Variants in PCDH7 observed in about 807,000 individuals in gnomAD.
PCDH7 encodes the protein protocadherin 7, also known as protocadherin-7.
A neutral mutation model predicts 58.9 loss-of-function variants in PCDH7; 17 were observed. The observed-to-expected ratio is 0.29, with a 90% CI of 0.20 to 0.43. The LOEUF is 0.43. Among genes scored for constraint, PCDH7 ranks in the 20% least tolerant of loss-of-function variants. The probability of loss-of-function intolerance (pLI) is 1.00; values close to 1 mark genes in which losing one functional copy is unlikely to be tolerated. For synonymous variants in PCDH7, 664 were observed against 616.4 expected (o/e 1.08, Z -1.14); for missense variants, 1,274 against 1,441.0 (o/e 0.88, Z 1.88).
At chr4:31,014,247 G>A (rs1272094972) in intron 3 of PCDH7, among the ~76,000 whole-genome samples, 2 of 152,084 alleles carry the variant, frequency 1.3e-5, no homozygotes, top group African/African-American at 4.8e-5. Context: ...TGCTTGGAAT[G>A]CTGCCATTAA....
intron 1 of PCDH7, among the ~76,000 whole-genome samples, chr4:30,879,004 G>A (rs1166139652): frequency 1.3e-5 from 2 of 152,040 alleles, no homozygotes; most frequent in Non-Finnish European, 2.9e-5. Context: ...AAATATCCAA[G>A]TATATCCTCT....
downstream of PCDH7, among the ~76,000 whole-genome samples, chr4:30,733,363 AAGAATAATAAGATAG>A (rs55860147): frequency 0.12 from 18,204 of 152,258 alleles, 1,459 homozygotes; most frequent in East Asian, 0.3. Flanking sequence ...CTGGTACTAA[AAGAATAATAAGATAG>A]AGTCTTTGCC....
intron 3 of PCDH7, among the ~76,000 whole-genome samples, chr4:31,076,592 A>C (rs1759011778): frequency 6.6e-6 from 1 of 152,232 alleles, no homozygotes; most frequent in South Asian, 2.1e-4. Context: ...CAAACAAACC[A>C]ATTCTAAGAA....
chr4:31,036,998 CCT>C (rs1199550606), intron 3 of PCDH7, among the ~76,000 whole-genome samples: 2 of 151,982 alleles, frequency 1.3e-5, no homozygotes, highest in Non-Finnish European at 2.9e-5. Flanking sequence ...GATCCACCCC[CCT>C]GATTCAATTA....
At chr4:31,043,792 G>A (rs765232672) in intron 3 of PCDH7, among the ~76,000 whole-genome samples, 5 of 152,074 alleles carry the variant, frequency 3.3e-5, no homozygotes, top group Non-Finnish European at 7.4e-5. Context: ...TTCTTTTGCT[G>A]TGTAGAAGTT....
At chr4:30,804,680 C>T (rs921834996) in intron 1 of PCDH7, among the ~76,000 whole-genome samples, 5 of 152,174 alleles carry the variant, frequency 3.3e-5, no homozygotes, top group African/African-American at 1.2e-4. Context: ...TGGTGCCTTG[C>T]TCTTGGACTT....
At chr4:31,122,395 T>C (rs1010234423) in intron 3 of PCDH7, among the ~76,000 whole-genome samples, 2 of 152,180 alleles carry the variant, frequency 1.3e-5, no homozygotes, top group African/African-American at 2.4e-5. Flanking sequence ...CACTGACAGT[T>C]ACTTTAAAAG....
intron 1 of PCDH7, among the ~76,000 whole-genome samples, chr4:30,801,739 T>A (rs1404873607): frequency 6.6e-6 from 1 of 152,134 alleles, no homozygotes; most frequent in Non-Finnish European, 1.5e-5. Flanking sequence ...AAGAAACATG[T>A]GCAGGAAAGA....
At chr4:30,838,485 A>G (rs1253170381) in intron 1 of PCDH7, among the ~76,000 whole-genome samples, 1 of 152,080 alleles carries the variant, frequency 6.6e-6, no homozygotes, top group Non-Finnish European at 1.5e-5. Flanking sequence ...TCTCAAACAC[A>G]TTTTAAAGGG....
chr4:30,800,156 C>T (rs1398584653), intron 1 of PCDH7, among the ~76,000 whole-genome samples: 5 of 152,040 alleles, frequency 3.3e-5, no homozygotes, highest in East Asian at 1.9e-4. Flanking sequence ...CCTTGCCCAG[C>T]GTATGAATAT....
intron 1 of PCDH7, 49 bp from the exon 2 acceptor site, chr4:30,920,104 C>A: frequency 7.8e-7 from 1 of 1,279,424 alleles, no homozygotes; most frequent in Non-Finnish European, 1.1e-6. Flanking sequence ...AAAATAAGAT[C>A]ATTTACAATC....
At chr4:31,096,776 C>T (rs866729805) in intron 3 of PCDH7, among the ~76,000 whole-genome samples, 1 of 152,078 alleles carries the variant, frequency 6.6e-6, no homozygotes, top group Non-Finnish European at 1.5e-5. Flanking sequence ...GGGATCCTTG[C>T]TTTCAGTTGG....
At chr4:30,730,949 G>A in exon 2 of PCDH7, 2 of 1,299,180 alleles carry the variant, frequency 1.5e-6, no homozygotes, top group Non-Finnish European at 2.0e-6. Context: ...CTCATATACA[G>A]AAAAATAGTA....
intron 3 of PCDH7, among the ~76,000 whole-genome samples, chr4:31,071,969 A>G (rs1254145136): frequency 6.6e-6 from 1 of 152,096 alleles, no homozygotes; most frequent in African/African-American, 2.4e-5. Context: ...CTAAACCAGT[A>G]TCAGAGCTAT....
intron 3 of PCDH7, among the ~76,000 whole-genome samples, chr4:30,971,706 T>C (rs1749604549): frequency 6.6e-6 from 1 of 152,146 alleles, no homozygotes; most frequent in Admixed American, 6.5e-5. Flanking sequence ...GGACTAGAAG[T>C]AGCTACACCA....
intron 3 of PCDH7, among the ~76,000 whole-genome samples, chr4:31,010,799 G>T (rs1036019993): frequency 6.6e-6 from 1 of 151,586 alleles, no homozygotes; most frequent in Non-Finnish European, 1.5e-5. Flanking sequence ...ATAAGAATAA[G>T]AAGAAAAAAG....
chr4:30,919,055 T>C (rs946330379), intron 1 of PCDH7, among the ~76,000 whole-genome samples: 3 of 152,150 alleles, frequency 2.0e-5, no homozygotes, highest in Non-Finnish European at 2.9e-5. Flanking sequence ...AAACTTTCAT[T>C]ATTTTCTAGC....
chr4:30,815,118 A>G (rs895635007), intron 1 of PCDH7, among the ~76,000 whole-genome samples: 1 of 152,124 alleles, frequency 6.6e-6, no homozygotes, highest in African/African-American at 2.4e-5. Context: ...TGTGAGGATT[A>G]TATGTGTATA....
chr4:30,977,008 C>T (rs1163502550), intron 3 of PCDH7, among the ~76,000 whole-genome samples: 1 of 152,046 alleles, frequency 6.6e-6, no homozygotes, highest in Non-Finnish European at 1.5e-5. Context: ...TAGTTGTTTT[C>T]ATTGAAAATA....
Sources: gnomAD v4.1 joint callset for allele counts (sites outside exome capture counted in the v4.1 genomes callset) on GRCh38, gnomAD v4.1.1 for gene constraint, MANE v1.5 for transcripts, NCBI Gene and HGNC (gene_info 2026-07-23, HGNC 2026-07-21) for gene names.